The following NCOR2 variants were observed in gnomAD, a reference collection of about 807,000 sequenced individuals.
NCOR2 encodes the protein nuclear receptor corepressor 2.
A neutral mutation model predicts 262.9 loss-of-function variants in NCOR2; 81 were observed. The ratio of observed to expected loss-of-function variants is 0.31; its 90% confidence interval spans 0.26 to 0.37. NCOR2 has a LOEUF of 0.37. NCOR2 is among the 10% of genes least tolerant of loss of function. The pLI is 1.00. For missense variants in NCOR2, 3,385 were observed against 3,621.4 expected (o/e 0.93, Z 1.68); for synonymous variants, 1,659 against 1,559.3 (o/e 1.06, Z -1.51).
chr12:124,377,632 A>G (rs1188103178), intron 18 of NCOR2, among the ~76,000 whole-genome samples: 1 of 152,062 alleles, frequency 6.6e-6, no homozygotes, highest in Non-Finnish European at 1.5e-5. Flanking sequence ...TGAGGTCAGG[A>G]GTTTGAGACC....
intron 8 of NCOR2, 83 bp downstream of exon 10, chr12:124,437,847 G>C (rs1274351461): frequency 7.4e-7 from 1 of 1,348,074 alleles, no homozygotes; most frequent in African/African-American, 1.5e-5. Flanking sequence ...GAACTGACAG[G>C]GCCCCGGCAG....
intron 41 of NCOR2, among the ~76,000 whole-genome samples, chr12:124,333,808 G>A (rs1376816814): frequency 2.0e-5 from 3 of 152,242 alleles, no homozygotes; most frequent in Non-Finnish European, 4.4e-5. Flanking sequence ...GCATGTGCAT[G>A]TGCCTGTGTC....
chr12:124,488,502 T>C (rs142081504), intron 1 of NCOR2, among the ~76,000 whole-genome samples: 3 of 152,264 alleles, frequency 2.0e-5, no homozygotes, highest in East Asian at 1.9e-4. Context: ...CTCTGAGGGA[T>C]TCCCCCAAGG....
intron 41 of NCOR2, among the ~76,000 whole-genome samples, chr12:124,333,659 A>AC (rs5801547): frequency 0.24 from 35,684 of 148,106 alleles, 7,969 homozygotes; most frequent in African/African-American, 0.57. Context: ...CACACACATT[A>AC]CCCCCCCCGC....
intron 4 of NCOR2, among the ~76,000 whole-genome samples, chr12:124,467,792 T>A (rs548162653): frequency 5.3e-5 from 3 of 56,828 alleles, no homozygotes; most frequent in East Asian, 1.5e-3. Context: ...CTTATCCTCA[T>A]CACCCCCATC....
chr12:124,564,511 A>G (rs1303719146), intron 1 of NCOR2, among the ~76,000 whole-genome samples: 1 of 141,610 alleles, frequency 7.1e-6, no homozygotes, highest in Non-Finnish European at 1.5e-5. Flanking sequence ...AAAGCTCTCA[A>G]CCCCCGCCAC....
intron 7 of NCOR2, among the ~76,000 whole-genome samples, chr12:124,446,916 T>C: frequency 6.6e-6 from 1 of 152,178 alleles, no homozygotes; most frequent in East Asian, 1.9e-4. Context: ...TATTATACTA[T>C]ATTACACATA....
chr12:124,528,066 G>GACGTCGGA (rs1555238300), intron 1 of NCOR2, among the ~76,000 whole-genome samples: 1 of 151,914 alleles, frequency 6.6e-6, no homozygotes, highest in Admixed American at 6.6e-5. Context: ...CTGCGGAACA[G>GACGTCGGA]ACGTCATCCC....
intron 30 of NCOR2, 42 bp downstream of exon 32, chr12:124,347,783 C>A (rs902616308): frequency 1.3e-6 from 2 of 1,547,022 alleles, no homozygotes; most frequent in Non-Finnish European, 1.8e-6. Context: ...CGTGACTGTA[C>A]ACCCGTTGGG....
rs2048870597 is a variant in NCOR2, at chr12:124,503,613, C to CAGAT, written c.-117-8246_-117-8245insATCT. 7.2e-6 allele frequency among the ~76,000 whole-genome samples: 1 copy of CAGAT among 139,104 alleles called. No individual in the cohort carries two copies. Among genetic ancestry groups the CAGAT allele is most frequent in the Non-Finnish European group, 1.5e-5 (1 of 65,202 alleles). 91.3% of individuals were successfully genotyped at this position (139,104 alleles called of 152,430 possible). A position where few individuals can be genotyped will look rare whatever the true frequency, so the allele number is the denominator to read the frequency against. ...ACGGATGGATGGATGGACGGACGGA[C>CAGAT]GGATGGATGGATGGATGGATGGGCG... On this transcript the variant is annotated intron_variant, in intron 1 of 46. Transcript: ENST00000404621. This position sits in a 1 kb window ranked among gnomAD's most constrained non-coding sequence, Gnocchi z 4.3.
chr12:124,399,804 G>A (rs1297856638), intron 15 of NCOR2, among the ~76,000 whole-genome samples: 1 of 152,114 alleles, frequency 6.6e-6, no homozygotes, highest in Admixed American at 6.5e-5. Context: ...ACAAAGTAGA[G>A]ACAACAGACG....
intron 7 of NCOR2, among the ~76,000 whole-genome samples, chr12:124,446,760 A>G (rs2045200153): frequency 6.6e-6 from 1 of 152,228 alleles, no homozygotes; most frequent in Non-Finnish European, 1.5e-5. Context: ...TAAAAAATAG[A>G]AGGGATGATA....
At chr12:124,415,603 T>A (rs1301485843) in intron 13 of NCOR2, among the ~76,000 whole-genome samples, 2 of 152,250 alleles carry the variant, frequency 1.3e-5, no homozygotes, top group African/African-American at 4.8e-5. Flanking sequence ...GACAGGGACC[T>A]CCTGCCCGGC....
At chr12:124,459,099 T>TG (rs1275306851) in intron 5 of NCOR2, among the ~76,000 whole-genome samples, 2 of 152,044 alleles carry the variant, frequency 1.3e-5, no homozygotes, top group Admixed American at 1.3e-4. Flanking sequence ...TGTGTGAAAG[T>TG]GGGGCACAAG....
intron 16 of NCOR2, chr12:124,388,860 C>G: frequency 1.2e-6 from 1 of 868,810 alleles, no homozygotes; most frequent in Non-Finnish European, 1.6e-6. Context: ...TTCTCCGTCC[C>G]ACGGTGAGGG....
At chr12:124,519,803 C>T (rs1055527011) in intron 1 of NCOR2, among the ~76,000 whole-genome samples, 1 of 152,186 alleles carries the variant, frequency 6.6e-6, no homozygotes, top group African/African-American at 2.4e-5. Flanking sequence ...ACCAGCTGGC[C>T]TCACACCACC....
At chr12:124,335,442 T>C (rs200384990) in intron 39 of NCOR2, 41 bp downstream of exon 41, 841 of 1,581,704 alleles carry the variant, frequency 5.3e-4, no homozygotes, top group Non-Finnish European at 6.4e-4. Flanking sequence ...GGGTCCTCAC[T>C]GTGCAGGGCT....
chr12:124,490,408 AGATGGATGGATG>A (rs750414709), intron 1 of NCOR2, among the ~76,000 whole-genome samples: 2,630 of 126,346 alleles, frequency 0.021, 81 homozygotes, highest in African/African-American at 0.068. Flanking sequence ...AGTATTTGCC[AGATGGATGGATG>A]GATGGATGGA....
chr12:124,353,890 G>T (rs926900864), intron 27 of NCOR2, among the ~76,000 whole-genome samples: 1 of 152,210 alleles, frequency 6.6e-6, no homozygotes, highest in African/African-American at 2.4e-5. Flanking sequence ...GCAGCTCCCT[G>T]AAGGCAGAGT....
Sources: allele counts gnomAD v4.1 joint callset (sites outside exome capture counted in the v4.1 genomes callset), GRCh38; gene constraint gnomAD v4.1.1; non-coding constraint Gnocchi (gnomAD v3.1); transcripts MANE v1.5; gene names NCBI Gene and HGNC (gene_info 2026-07-23, HGNC 2026-07-21).